PPP3CA: variants seen among roughly 807,000 people sequenced by gnomAD.
The protein encoded by PPP3CA is protein phosphatase 3 catalytic subunit alpha, also known as CAM-PRP catalytic subunit.
In PPP3CA, 14 loss-of-function variants were observed where a neutral mutation model predicts 66.5. The observed-to-expected ratio is 0.21, with a 90% CI of 0.14 to 0.33. PPP3CA has a LOEUF of 0.33. PPP3CA is among the 10% of genes least tolerant of loss of function. The probability of loss-of-function intolerance (pLI) is 1.00; values close to 1 mark genes in which losing one functional copy is unlikely to be tolerated. For missense variants in PPP3CA, 317 were observed against 639.5 expected, an observed-to-expected ratio of 0.50 and a Z score of 5.44; for synonymous variants, 232 against 226.2, an observed-to-expected ratio of 1.03 and a Z score of -0.23.
chr4:101,081,409 T>C (rs1447607675), intron 7 of PPP3CA, among the ~76,000 whole-genome samples: 1 of 152,118 alleles, frequency 6.6e-6, no homozygotes, highest in African/African-American at 2.4e-5. Context: ...CACAAGAACT[T>C]TGGAAATAAA....
At chr4:101,225,525 T>A (rs1725753925) in intron 1 of PPP3CA, among the ~76,000 whole-genome samples, 1 of 151,860 alleles carries the variant, frequency 6.6e-6, no homozygotes, top group South Asian at 2.1e-4. Context: ...CCTTTAGGTA[T>A]CTTTGAAATA....
chr4:101,028,301 A>AAAACT (rs1302404229), intron 13 of PPP3CA, among the ~76,000 whole-genome samples: 6 of 152,338 alleles, frequency 3.9e-5, no homozygotes, highest in Admixed American at 3.9e-4. Context: ...ATAAATATTA[A>AAAACT]AAACTATTTT....
At chr4:101,223,717 G>A (rs1012770880) in intron 1 of PPP3CA, among the ~76,000 whole-genome samples, 6 of 151,638 alleles carry the variant, frequency 4.0e-5, no homozygotes, top group East Asian at 3.9e-4. Flanking sequence ...TATAAAATAC[G>A]TAAATGAAAA....
intron 1 of PPP3CA, among the ~76,000 whole-genome samples, chr4:101,219,414 T>C (rs542990360): frequency 6.6e-6 from 1 of 152,038 alleles, no homozygotes; most frequent in Admixed American, 6.6e-5. Flanking sequence ...GTGAATAATA[T>C]TAAAAACTAG....
intron 10 of PPP3CA, among the ~76,000 whole-genome samples, chr4:101,049,725 T>A (rs541732924): frequency 4.6e-5 from 7 of 152,158 alleles, no homozygotes; most frequent in Non-Finnish European, 8.8e-5. Flanking sequence ...TTACATGTTA[T>A]CTCTGCATGA....
Position 101,155,693 on chromosome 4 carries a change from C to T in PPP3CA, c.259+40223G>A, listed in dbSNP as rs148831067. The stretch of plus-strand genomic sequence containing the variant: ...AAAAGATTCCTTTTTGTTTTAAGTT[C>T]CCACTTTGGGAAGCACATAACTACT... On this transcript the variant is annotated intron_variant, in intron 2 of 13. Transcript: ENST00000394854. 2.7e-3 allele frequency among the ~76,000 whole-genome samples: 404 copies of T among 152,298 alleles called. 11 individuals are homozygous for T. In the East Asian group the frequency reaches 0.036, roughly 14 times the overall value.
At chr4:101,204,661 T>C (rs141373455) in intron 1 of PPP3CA, among the ~76,000 whole-genome samples, 1,705 of 144,526 alleles carry the variant, frequency 0.012, 16 homozygotes, top group Non-Finnish European at 0.019. Flanking sequence ...AAAAAAAAAG[T>C]TATACACACA....
At chr4:101,112,618 A>G (rs532771136) in intron 2 of PPP3CA, among the ~76,000 whole-genome samples, 5 of 152,218 alleles carry the variant, frequency 3.3e-5, no homozygotes, top group African/African-American at 9.6e-5. Context: ...ATAATGGAAA[A>G]AATGGAGGTA....
Position 101,346,907 on chromosome 4 carries a change from T to C in PPP3CA, c.-111A>G. On this transcript the variant is annotated 5_prime_UTR_variant, in exon 1 of 14. Coordinates refer to ENST00000394854, the MANE Select transcript of PPP3CA (RefSeq NM_000944.5). Reference sequence around the variant, plus strand: ...GCCGCCGCCGCCGCCGCCGCCGCGCTGCAAACCGCTCGGCTGGAGGTCTAG... The same window carrying C: ...GCCGCCGCCGCCGCCGCCGCCGCGCCGCAAACCGCTCGGCTGGAGGTCTAG... The C allele has an allele frequency of 3.5e-5, 34 of 965,062 alleles. No homozygotes were observed. Among genetic ancestry groups the C allele is most frequent in the African/African-American group, 4.7e-5 (2 of 42,158 alleles). The allele number at this position is 965,062 out of a possible 1,614,324, so 59.8% of individuals were successfully genotyped here. A position where few individuals can be genotyped will look rare whatever the true frequency, so the allele number is the denominator to read the frequency against.
At chr4:101,074,877 CTAA>C (rs1316872372) in intron 8 of PPP3CA, among the ~76,000 whole-genome samples, 4 of 152,158 alleles carry the variant, frequency 2.6e-5, no homozygotes, top group African/African-American at 9.6e-5. Context: ...TCTCACGCTG[CTAA>C]TAAAGACATA....
rs551726250 is a variant in PPP3CA, at chr4:101,306,323, G to GA, written c.58+40415dup. 1.7e-3 allele frequency among the ~76,000 whole-genome samples: 255 copies of GA among 152,200 alleles called. 3 individuals carry two copies. The highest frequency in any genetic ancestry group is 8.2e-4 in the Non-Finnish European group (56 of 68,016). The stretch of plus-strand genomic sequence containing the variant: ...TCACCCTACACCCCTACTCACTCTT[G>GA]AATCAGCACTCTGTCTGGAACACCT... On this transcript the variant is annotated intron_variant, in intron 1 of 13. Coordinates refer to ENST00000394854, the MANE Select transcript of PPP3CA (RefSeq NM_000944.5).
chr4:101,203,109 G>C (rs1236628660), intron 1 of PPP3CA, among the ~76,000 whole-genome samples: 1 of 152,000 alleles, frequency 6.6e-6, no homozygotes, highest in Admixed American at 6.6e-5. Context: ...TTTTTTCTCA[G>C]GCTTACAGAA....
chr4:101,105,569 C>G (rs1267704752), intron 3 of PPP3CA, among the ~76,000 whole-genome samples: 2 of 149,796 alleles, frequency 1.3e-5, no homozygotes, highest in African/African-American at 4.9e-5. Flanking sequence ...CTGCACTCTT[C>G]AAGAAAAAAA....
intron 6 of PPP3CA, among the ~76,000 whole-genome samples, chr4:101,093,156 T>A (rs983051234): frequency 6.6e-6 from 1 of 152,202 alleles, no homozygotes; most frequent in Non-Finnish European, 1.5e-5. Context: ...CTAACTGGCA[T>A]GAGATGGTAT....
At chr4:101,333,365 G>GTCA (rs61491343) in intron 1 of PPP3CA, among the ~76,000 whole-genome samples, 14,512 of 128,790 alleles carry the variant, frequency 0.11, 2,599 homozygotes, top group African/African-American at 0.38. Flanking sequence ...CTAGGCTCAA[G>GTCA]TCCTCCCACC....
At chr4:101,080,347 C>T (rs1466384918) in intron 8 of PPP3CA, among the ~76,000 whole-genome samples, 185 bp downstream of exon 8, 10 of 151,712 alleles carry the variant, frequency 6.6e-5, no homozygotes, top group South Asian at 6.2e-4. Flanking sequence ...GTGCATAAGC[C>T]CAATCTCTGA....
intron 8 of PPP3CA, among the ~76,000 whole-genome samples, chr4:101,069,105 G>C (rs55681157): frequency 0.049 from 7,416 of 152,118 alleles, 623 homozygotes; most frequent in African/African-American, 0.17. Context: ...CACAATCATA[G>C]CTAACTGCAG....
intron 6 of PPP3CA, among the ~76,000 whole-genome samples, chr4:101,088,357 G>A (rs529272337): frequency 3.6e-4 from 55 of 152,004 alleles, no homozygotes; most frequent in Non-Finnish European, 6.5e-4. Context: ...AGGCCGAGGC[G>A]GGTGGATCAC....
chr4:101,293,125 C>T (rs753481567), intron 1 of PPP3CA, among the ~76,000 whole-genome samples: 2 of 152,188 alleles, frequency 1.3e-5, no homozygotes, highest in Non-Finnish European at 2.9e-5. Context: ...ATAACCCACA[C>T]TCACAATGTG....
Sources: allele counts gnomAD v4.1 joint callset (sites outside exome capture counted in the v4.1 genomes callset), GRCh38; gene constraint gnomAD v4.1.1; transcripts MANE v1.5; gene names NCBI Gene and HGNC (gene_info 2026-07-23, HGNC 2026-07-21).